Variants in PTPRF observed in about 807,000 individuals in gnomAD.
The protein encoded by PTPRF is receptor-type tyrosine-protein phosphatase F.
In PTPRF, 59 loss-of-function variants were observed where a neutral mutation model predicts 201.8. The ratio of observed to expected loss-of-function variants is 0.29; its 90% CI spans 0.24 to 0.36. PTPRF has a LOEUF of 0.36. Ranked by LOEUF, PTPRF falls within the 10% of genes least tolerant of loss-of-function variation. The pLI, the probability that PTPRF is intolerant of heterozygous loss-of-function variation, is 1.00. For missense variants in PTPRF, 2,132 were observed against 2,690.5 expected (o/e 0.79, Z 4.59); for synonymous variants, 1,088 against 1,089.7 (o/e 1.00, Z 0.03).
In PTPRF at chr1:43,591,367, G is replaced by C; in HGVS notation, c.1345G>C (p.Val449Leu). ...CAACGGCCTGGTGCGGGGATACCGC[G>C]TCTACTATACTCCGGACTCCCGCCG... ...EPNGLVRGYRVYYTPDSRRPP... is the reference protein window; with the variant it reads ...EPNGLVRGYRLYYTPDSRRPP... The change falls in exon 9 of 34, where the codon GTC becomes CTC. Residue 449 changes from valine to leucine, a missense_variant. Around this residue, in one of 6 missense-constraint regions of PTPRF, gnomAD observed 351 missense variants for 401.7 expected, o/e 0.87. Coordinates refer to ENST00000359947, the MANE Select transcript of PTPRF (RefSeq NM_002840.5). 1 of 1,555,424 alleles carries C rather than the reference G, an allele frequency of 6.4e-7. No homozygotes were observed. Among genetic ancestry groups the C allele is most frequent in the Non-Finnish European group, 8.7e-7 (1 of 1,150,870 alleles).
Position 43,621,141 on chromosome 1 carries a change from T to C in PTPRF, c.5564T>C (p.Val1855Ala). Residue 1855 changes from valine to alanine, a missense_variant, in exon 33 of 34, where the codon GTC (valine) becomes GCC (alanine). Around this residue, in one of 6 missense-constraint regions of PTPRF, gnomAD observed 519 missense variants for 659.5 expected, o/e 0.79. Transcript: ENST00000359947. ...GGGGTGTTCATCACTCTGAGCATCG[T>C]CCTGGAGCGCATGCGCTACGAGGGC... ...RTGVFITLSI[V>A]LERMRYEGVV... 6.2e-7 allele frequency: 1 copy of C among 1,614,116 alleles called. No individual in the cohort carries two copies. Among genetic ancestry groups the C allele is most frequent in the Non-Finnish European group, 8.5e-7 (1 of 1,179,932 alleles).
chr1:43,562,807 G>T (rs930784734), intron 5 of PTPRF, among the ~76,000 whole-genome samples: 4 of 152,186 alleles, frequency 2.6e-5, no homozygotes, highest in Non-Finnish European at 5.9e-5. Flanking sequence ...ATGACAGGTT[G>T]TTGCAGTCCA....
At chr1:43,523,356 G>C (rs1176955206), upstream of PTPRF, among the ~76,000 whole-genome samples, 4 of 152,138 alleles carry the variant, frequency 2.6e-5, no homozygotes, top group Admixed American at 2.6e-4. Context: ...CAATGCTGTA[G>C]GCATGGATGA....
intron 22 of PTPRF, among the ~76,000 whole-genome samples, chr1:43,610,028 T>A (rs1656069572): frequency 6.6e-6 from 1 of 152,158 alleles, no homozygotes; most frequent in African/African-American, 2.4e-5. Flanking sequence ...ACCTGAAATG[T>A]TACTCCTCCC....
intron 7 of PTPRF, chr1:43,579,377 G>T (rs1000684328): frequency 2.7e-6 from 1 of 372,788 alleles, no homozygotes; most frequent in South Asian, 2.0e-5. Flanking sequence ...TCTGGGCTTT[G>T]GGGTAGTAAG....
intron 23 of PTPRF, among the ~76,000 whole-genome samples, chr1:43,616,012 C>G (rs1210019472): frequency 1.3e-5 from 2 of 152,022 alleles, no homozygotes; most frequent in Non-Finnish European, 2.9e-5. Flanking sequence ...GAATATGTGA[C>G]TCTGACAGCA....
At chr1:43,599,867 G>A (rs1653310849) in intron 13 of PTPRF, among the ~76,000 whole-genome samples, 1 of 152,164 alleles carries the variant, frequency 6.6e-6, no homozygotes, top group East Asian at 1.9e-4. Context: ...AGACCCTGCT[G>A]GAGAGTCACA....
rs1342775182 is a variant in PTPRF at position 43,570,859 on chromosome 1, G to A, written c.568+1081G>A. ...AGCTGTAGCGCAGTTAATTAAAACA[G>A]CCATAATCAAGGCAGCAAACGGCCG... On this transcript the variant is annotated intron_variant, in intron 6 of 33. Coordinates refer to ENST00000359947, the MANE Select transcript of PTPRF (RefSeq NM_002840.5). 3.9e-5 allele frequency among the ~76,000 whole-genome samples: 6 copies of A among 152,366 alleles called. No homozygotes were observed. The South Asian group carries it at 1.0e-3, about 26-fold the overall frequency.
At chr1:43,558,230 C>T (rs1301928256) in intron 5 of PTPRF, among the ~76,000 whole-genome samples, 1 of 152,162 alleles carries the variant, frequency 6.6e-6, no homozygotes, top group African/African-American at 2.4e-5. Flanking sequence ...TGGAGAATGG[C>T]TGAGGGCTGT....
chr1:43,547,022 T>C (rs1644723262), intron 3 of PTPRF, among the ~76,000 whole-genome samples: 2 of 152,156 alleles, frequency 1.3e-5, no homozygotes, highest in Admixed American at 1.3e-4. Context: ...CATTCTGCAT[T>C]CCAAAGGTAG....
chr1:43,613,197 A>G (rs978325517), intron 22 of PTPRF: 8 of 311,044 alleles, frequency 2.6e-5, no homozygotes, highest in Non-Finnish European at 5.0e-5. Context: ...CGGGATGACG[A>G]TGGCTGTGAG....
At chr1:43,526,622 G>A (rs1245379042), upstream of PTPRF, among the ~76,000 whole-genome samples, 4 of 152,140 alleles carry the variant, frequency 2.6e-5, no homozygotes, top group African/African-American at 9.7e-5. Context: ...GAGAGGGGCA[G>A]GGGAACAGGC....
At chr1:43,595,003 G>A (rs1337427864) in intron 11 of PTPRF, among the ~76,000 whole-genome samples, 3 of 152,140 alleles carry the variant, frequency 2.0e-5, no homozygotes, top group Non-Finnish European at 2.9e-5. Context: ...CTGTTGGACC[G>A]AGCAACATGG....
At position 43,592,713 on chromosome 1, in the gene PTPRF, G is replaced by T. The variant is rs558747568; in HGVS notation, c.1813+112G>T. On this transcript the variant is annotated intron_variant, in intron 11 of 33. Transcript: ENST00000359947. ...GCAGGTGGGGTGGTCAGGTCTGCTG[G>T]CCAAACCGAACTCTGGCCTGGGCTC... The T allele has an allele frequency of 5.6e-5, 72 of 1,276,764 alleles. No homozygotes were observed. The African/African-American group carries it at 1.1e-3, about 19-fold the overall frequency. 79.1% of individuals were successfully genotyped at this position (1,276,764 alleles called of 1,614,324 possible).
At chr1:43,578,189 C>T (rs896951339) in intron 6 of PTPRF, among the ~76,000 whole-genome samples, 3 of 152,220 alleles carry the variant, frequency 2.0e-5, no homozygotes, top group Middle Eastern at 3.4e-3. Flanking sequence ...CGTGGTGGGT[C>T]GAAGCACTTT....
At position 43,542,956 on chromosome 1, in the gene PTPRF, A is replaced by AG. The variant is rs1207806987; in HGVS notation, c.-45-2071dup. Among the ~76,000 whole-genome samples, 1 of 152,154 alleles carries AG rather than the reference A, an allele frequency of 6.6e-6. No homozygotes were observed. The highest frequency in any genetic ancestry group is 1.5e-5 in the Non-Finnish European group (1 of 68,010). ...TATGTCCCTATGAAGCCTGCCTGGC[A>AG]GGGGTTGCATGCTTGGAATGCTTGT... On this transcript the variant is annotated intron_variant, in intron 2 of 33. Transcript: ENST00000359947. The surrounding 1 kb of genome is among the most constrained non-coding windows in gnomAD (Gnocchi z 5.2).
chr1:43,604,365 C>A (rs556635527), intron 16 of PTPRF, among the ~76,000 whole-genome samples, 176 bp downstream of exon 16: 6 of 152,328 alleles, frequency 3.9e-5, no homozygotes, highest in Admixed American at 1.3e-4. Flanking sequence ...TTCTTGATGC[C>A]TGACCTCTGC....
At chr1:43,565,860 GCACACGCAGCCCTTCCGCGGCAGCGC>G (rs1235962682) in intron 5 of PTPRF, among the ~76,000 whole-genome samples, 1 of 152,166 alleles carries the variant, frequency 6.6e-6, no homozygotes, top group Non-Finnish European at 1.5e-5. Flanking sequence ...ACGGACTCGG[GCACACGCAGCCCTTCCGCGGCAGCGC>G]CCGCCGCTCC....
chr1:43,558,654 C>T (rs369803666), intron 5 of PTPRF, among the ~76,000 whole-genome samples: 1 of 152,212 alleles, frequency 6.6e-6, no homozygotes, highest in Non-Finnish European at 1.5e-5. Context: ...TCTTCTCGCT[C>T]CGCACTCTTG....
Sources: gnomAD v4.1 joint callset for allele counts (sites outside exome capture counted in the v4.1 genomes callset) on GRCh38, gnomAD v4.1.1 for gene constraint, gnomAD v4.1.1 regional missense constraint, Gnocchi (gnomAD v3.1) non-coding constraint, MANE v1.5 for transcripts, NCBI Gene and HGNC (gene_info 2026-07-23, HGNC 2026-07-21) for gene names.